Variants in PAG1 observed in about 807,000 individuals in gnomAD.
The protein encoded by PAG1 is phosphoprotein associated with glycosphingolipid-enriched microdomains 1.
In PAG1, 23 loss-of-function variants were observed where a neutral mutation model predicts 31.7. That is an observed-to-expected ratio of 0.73 (90% CI 0.52 to 1.03). PAG1 has a LOEUF of 1.03. Ranked by LOEUF, PAG1 falls within the 50% of genes least tolerant of loss-of-function variation. PAG1 has a pLI of 0.00. For synonymous variants in PAG1, 214 were observed against 210.3 expected (o/e 1.02, Z -0.15); for missense variants, 473 against 540.7 (o/e 0.87, Z 1.24).
In PAG1 at chr8:81,088,798, G is replaced by C. The variant is rs76656294; in HGVS notation, c.-233-18628C>G. Reference sequence around the variant, plus strand: ...TAAACTCTAATAAGAGCAAAGGAAAGTTGTTATGGAAAATATCAAAGTGAA... The same window carrying C: ...TAAACTCTAATAAGAGCAAAGGAAACTTGTTATGGAAAATATCAAAGTGAA... On this transcript the variant is annotated intron_variant, in intron 1 of 8. Coordinates refer to ENST00000220597, the MANE Select transcript of PAG1 (RefSeq NM_018440.4). Among the ~76,000 whole-genome samples the C allele has an allele frequency of 6.5e-4, 99 of 152,328 alleles. 3 individuals are homozygous for C. The East Asian group carries it at 0.013, about 21-fold the overall frequency.
intron 2 of PAG1, among the ~76,000 whole-genome samples, chr8:81,051,017 T>C (rs1808719497): frequency 6.6e-6 from 1 of 152,274 alleles, no homozygotes; most frequent in Non-Finnish European, 1.5e-5. Context: ...TCTTACATTT[T>C]ACTTTTCTTG....
At chr8:81,086,529 A>G (rs1444882925) in intron 1 of PAG1, among the ~76,000 whole-genome samples, 1 of 151,926 alleles carries the variant, frequency 6.6e-6, no homozygotes, top group Non-Finnish European at 1.5e-5. Flanking sequence ...GTGTGTGTGC[A>G]TAAAAGGATG....
chr8:81,091,843 G>C (rs1048445820), intron 1 of PAG1, among the ~76,000 whole-genome samples: 1 of 140,944 alleles, frequency 7.1e-6, no homozygotes, highest in Non-Finnish European at 1.5e-5. Context: ...AGAAGAAGAA[G>C]AAAAAAAAAC....
At chr8:81,024,804 C>T (rs757452158) in intron 3 of PAG1, among the ~76,000 whole-genome samples, 7 of 152,164 alleles carry the variant, frequency 4.6e-5, no homozygotes, top group Admixed American at 1.3e-4. Flanking sequence ...TCATATTAAC[C>T]ATGAAGGATT....
At chr8:81,030,948 A>G (rs2130790054) in intron 2 of PAG1, among the ~76,000 whole-genome samples, 1 of 152,320 alleles carries the variant, frequency 6.6e-6, no homozygotes, top group Middle Eastern at 3.4e-3. Flanking sequence ...CTCTAAGGAG[A>G]ATATCTTGGC....
intron 2 of PAG1, among the ~76,000 whole-genome samples, chr8:81,063,733 G>A (rs1320894911): frequency 6.6e-6 from 1 of 152,096 alleles, no homozygotes; most frequent in Admixed American, 6.5e-5. Context: ...CAAAGAAGGA[G>A]GCAGACAAGT....
At chr8:80,993,837 C>A (rs527988410) in intron 3 of PAG1, among the ~76,000 whole-genome samples, 87 of 152,196 alleles carry the variant, frequency 5.7e-4, no homozygotes, top group Non-Finnish European at 1.0e-3. Flanking sequence ...GACTCCTGGG[C>A]TCAAGTAATC....
At chr8:81,027,111 A>C (rs1245538805) in intron 3 of PAG1, among the ~76,000 whole-genome samples, 1 of 152,004 alleles carries the variant, frequency 6.6e-6, no homozygotes, top group African/African-American at 2.4e-5. Context: ...CCCAGGATCA[A>C]GAGATCCTCC....
chr8:81,104,834 G>A (rs114307938), intron 1 of PAG1, among the ~76,000 whole-genome samples: 1,546 of 152,054 alleles, frequency 0.01, 28 homozygotes, highest in African/African-American at 0.035. Flanking sequence ...TCCATTCTGT[G>A]TAATATACCC....
rs138773816 is a variant in PAG1 at position 81,057,270 on chromosome 8, C to T, written c.-175+12842G>A. ...ATGCTGTTATAAAGACACATGCACA[C>T]GTATGTTCATTGTGGCACTATTCGC... On this transcript the variant is annotated intron_variant, in intron 2 of 8. Coordinates refer to ENST00000220597, the MANE Select transcript of PAG1 (RefSeq NM_018440.4). 8.7e-3 allele frequency among the ~76,000 whole-genome samples: 1,319 copies of T among 152,244 alleles called. 10 individuals are homozygous for T. The highest frequency in any genetic ancestry group is 0.029 in the African/African-American group (1,212 of 41,528).
chr8:81,006,813 T>G (rs1473137972), intron 3 of PAG1, among the ~76,000 whole-genome samples: 1 of 152,222 alleles, frequency 6.6e-6, no homozygotes, highest in Admixed American at 6.5e-5. Context: ...TATGTGGAAC[T>G]CACATTGTAT....
At chr8:81,082,252 C>CAAAAAAA (rs748117144) in intron 1 of PAG1, among the ~76,000 whole-genome samples, 5 of 48,022 alleles carry the variant, frequency 1.0e-4, no homozygotes, top group Admixed American at 2.2e-4. Flanking sequence ...GACTCTGTCT[C>CAAAAAAA]AAAAAAAAAA....
At chr8:81,075,637 A>T (rs543798129) in intron 1 of PAG1, among the ~76,000 whole-genome samples, 1 of 152,218 alleles carries the variant, frequency 6.6e-6, no homozygotes. Context: ...CTGATCCTAC[A>T]GATGGGGAAA....
chr8:81,074,096 G>A (rs1376867853), intron 1 of PAG1, among the ~76,000 whole-genome samples: 1 of 152,248 alleles, frequency 6.6e-6, no homozygotes, highest in Non-Finnish European at 1.5e-5. Context: ...AGCTGAGAAT[G>A]AGGATGGAGA....
intron 6 of PAG1, 145 bp downstream of exon 6, chr8:80,987,225 A>G (rs1807443099): frequency 1.2e-5 from 7 of 606,402 alleles, no homozygotes; most frequent in Middle Eastern, 6.3e-4. Context: ...GTATTCATCC[A>G]AATGAGGGGT....
intron 3 of PAG1, 33 bp downstream of exon 3, chr8:81,029,963 G>A (rs1808351983): frequency 6.6e-6 from 1 of 152,250 alleles, no homozygotes; most frequent in Non-Finnish European, 1.5e-5. Flanking sequence ...TTCTAGTGAT[G>A]TGTCCCTTTA....
intron 1 of PAG1, among the ~76,000 whole-genome samples, chr8:81,077,713 CAG>C (rs1803708868): frequency 6.6e-6 from 1 of 152,130 alleles, no homozygotes; most frequent in African/African-American, 2.4e-5. Context: ...TTAAAAACAG[CAG>C]AGATTAATCA....
In PAG1 at chr8:81,087,078, C is replaced by A. The variant is rs556660791; in HGVS notation, c.-233-16908G>T. On this transcript the variant is annotated intron_variant, in intron 1 of 8. Coordinates refer to ENST00000220597, the MANE Select transcript of PAG1 (RefSeq NM_018440.4). The stretch of plus-strand genomic sequence containing the variant: ...CTGTAGAAGCGGCCAGGCGTGGTGG[C>A]TCATGCCGGTAATCCCAGCACTTTG... Among the ~76,000 whole-genome samples the A allele has an allele frequency of 2.6e-5, 4 of 152,290 alleles. No individual in the cohort carries two copies. The South Asian group carries it at 8.3e-4, about 32-fold the overall frequency.
chr8:81,024,426 C>T (rs1015521345), intron 3 of PAG1, among the ~76,000 whole-genome samples: 5 of 152,168 alleles, frequency 3.3e-5, no homozygotes, highest in African/African-American at 4.8e-5. Context: ...GAGAATACTC[C>T]GGAGTCCAGA....
Sources: gnomAD v4.1 joint callset for allele counts (sites outside exome capture counted in the v4.1 genomes callset) on GRCh38, gnomAD v4.1.1 for gene constraint, MANE v1.5 for transcripts, NCBI Gene and HGNC (gene_info 2026-07-23, HGNC 2026-07-21) for gene names.